The following DACH1 variants were observed in gnomAD, a reference collection of about 807,000 sequenced individuals.
The protein encoded by DACH1 is dachshund homolog 1.
In DACH1, 12 loss-of-function variants were observed where a neutral mutation model predicts 54.2. The observed-to-expected ratio is 0.22, with a 90% CI of 0.14 to 0.36. The LOEUF (loss-of-function observed/expected upper bound fraction) is 0.36, where lower values mean the gene tolerates loss of function less well. DACH1 is among the 10% of genes least tolerant of loss of function. The probability of loss-of-function intolerance (pLI) is 1.00; values close to 1 mark genes in which losing one functional copy is unlikely to be tolerated. For missense variants in DACH1, 805 were observed against 929.8 expected (o/e 0.87, Z 1.75); for synonymous variants, 386 against 366.2 (o/e 1.05, Z -0.62).
intron 1 of DACH1, among the ~76,000 whole-genome samples, chr13:71,781,351 TTTA>T (rs1316593675): frequency 2.7e-4 from 21 of 78,298 alleles, no homozygotes; most frequent in South Asian, 7.6e-4. Flanking sequence ...TTTATTTTTA[TTTA>T]TTTATTTATT....
chr13:71,700,353 C>T (rs958648428), intron 1 of DACH1, among the ~76,000 whole-genome samples: 7 of 151,856 alleles, frequency 4.6e-5, no homozygotes, highest in South Asian at 2.1e-4. Context: ...GTCAGGAGTT[C>T]GAGACCAGCC....
intron 1 of DACH1, among the ~76,000 whole-genome samples, chr13:71,830,208 A>C (rs1245521481): frequency 6.6e-6 from 1 of 151,880 alleles, no homozygotes; most frequent in Non-Finnish European, 1.5e-5. Context: ...GGTTGCAATC[A>C]AATTTATCTT....
chr13:71,762,768 CAAAAAAAAAAAAA>C lies in DACH1; in HGVS notation c.849-80871_849-80859del, dbSNP rs34543654. 5.3e-4 allele frequency among the ~76,000 whole-genome samples: 38 copies of C among 71,204 alleles called. No individual in the cohort carries two copies. In the East Asian group the frequency reaches 9.9e-3, roughly 18 times the overall value. The allele number at this position is 71,204 out of a possible 152,430, so 46.7% of individuals were successfully genotyped here. ...GGGCAACAAGAGTGAAACTTTGTCT[CAAAAAAAAAAAAA>C]AAAAAAAAAAAGAATGTACATCTAA... is the stretch of plus-strand genomic sequence containing the variant. On this transcript the variant is annotated intron_variant, in intron 1 of 10. Coordinates refer to ENST00000613252, the MANE Select transcript of DACH1 (RefSeq NM_080759.6).
chr13:71,462,331 G>GAGAT (rs1410175513), intron 10 of DACH1, among the ~76,000 whole-genome samples: 2 of 151,766 alleles, frequency 1.3e-5, no homozygotes, highest in Admixed American at 6.6e-5. Flanking sequence ...TATTCTGAAA[G>GAGAT]AGATAAATAA....
At chr13:71,758,994 C>T (rs1332956467) in intron 1 of DACH1, among the ~76,000 whole-genome samples, 2 of 150,820 alleles carry the variant, frequency 1.3e-5, no homozygotes, top group Non-Finnish European at 2.9e-5. Context: ...GTCATCAAGT[C>T]GTTCAAGCAC....
At chr13:71,451,273 C>T (rs1168957262) in intron 10 of DACH1, among the ~76,000 whole-genome samples, 1 of 152,140 alleles carries the variant, frequency 6.6e-6, no homozygotes, top group Admixed American at 6.6e-5. Context: ...AGACTATCAT[C>T]TCTCCCAAGT....
At chr13:71,471,371 G>A (rs1467543525) in intron 10 of DACH1, among the ~76,000 whole-genome samples, 1 of 151,992 alleles carries the variant, frequency 6.6e-6, no homozygotes, top group Non-Finnish European at 1.5e-5. Context: ...TCTGTGAGTC[G>A]ACCAAATAAA....
At chr13:71,795,062 CATAA>C (rs1251526888) in intron 1 of DACH1, among the ~76,000 whole-genome samples, 3 of 152,010 alleles carry the variant, frequency 2.0e-5, no homozygotes, top group African/African-American at 7.2e-5. Context: ...TACTGAGTAA[CATAA>C]ATAAGAGTAT....
intron 6 of DACH1, among the ~76,000 whole-genome samples, chr13:71,505,773 G>A (rs1188661268): frequency 6.6e-6 from 1 of 152,032 alleles, no homozygotes; most frequent in Non-Finnish European, 1.5e-5. Context: ...AAACCAGGTA[G>A]AAACTGAAAG....
At chr13:71,764,774 GA>G (rs1200507074) in intron 1 of DACH1, among the ~76,000 whole-genome samples, 1 of 152,166 alleles carries the variant, frequency 6.6e-6, no homozygotes, top group African/African-American at 2.4e-5. Context: ...GTAAATATCT[GA>G]TGACATATCC....
At chr13:71,716,955 G>C (rs1201397464) in intron 1 of DACH1, among the ~76,000 whole-genome samples, 2 of 151,968 alleles carry the variant, frequency 1.3e-5, no homozygotes, top group African/African-American at 4.8e-5. Flanking sequence ...GCATGCATTA[G>C]GTAATTAACT....
intron 2 of DACH1, among the ~76,000 whole-genome samples, chr13:71,656,386 C>G (rs996672275): frequency 1.3e-5 from 2 of 151,962 alleles, no homozygotes; most frequent in Non-Finnish European, 2.9e-5. Context: ...TTTCTTCTGC[C>G]TACTGAATAG....
At chr13:71,542,516 A>AAT (rs1276987784) in intron 6 of DACH1, among the ~76,000 whole-genome samples, 1 of 152,140 alleles carries the variant, frequency 6.6e-6, no homozygotes, top group African/African-American at 2.4e-5. Flanking sequence ...CTGACTTTTA[A>AAT]ATATCAATAA....
At chr13:71,672,724 C>T (rs1477385430) in intron 2 of DACH1, among the ~76,000 whole-genome samples, 1 of 152,130 alleles carries the variant, frequency 6.6e-6, no homozygotes, top group Non-Finnish European at 1.5e-5. Flanking sequence ...ATACCAGCTG[C>T]ACCTCCTACT....
chr13:71,715,490 T>C (rs1323324707), intron 1 of DACH1, among the ~76,000 whole-genome samples: 1 of 152,062 alleles, frequency 6.6e-6, no homozygotes, highest in Non-Finnish European at 1.5e-5. Context: ...AGAAGGCGGT[T>C]TCCTATATTT....
chr13:71,489,867 A>T (rs1878844419), intron 6 of DACH1, among the ~76,000 whole-genome samples: 1 of 152,176 alleles, frequency 6.6e-6, no homozygotes, highest in African/African-American at 2.4e-5. Flanking sequence ...AATCAAATTT[A>T]AAAATCCCTT....
intron 1 of DACH1, among the ~76,000 whole-genome samples, chr13:71,859,531 G>A (rs181758347): frequency 1.3e-5 from 2 of 151,708 alleles, no homozygotes; most frequent in Admixed American, 1.3e-4. Context: ...AATTTATAGT[G>A]GATTGAAAAT....
chr13:71,706,294 G>A (rs1025061668), intron 1 of DACH1, among the ~76,000 whole-genome samples: 32 of 151,194 alleles, frequency 2.1e-4, no homozygotes, highest in African/African-American at 7.5e-4. Flanking sequence ...CATATTATTA[G>A]CCTTTCATCC....
At chr13:71,620,148 T>C (rs368360757) in intron 3 of DACH1, among the ~76,000 whole-genome samples, 9 of 151,936 alleles carry the variant, frequency 5.9e-5, no homozygotes, top group East Asian at 3.9e-4. Context: ...GACCCATTGT[T>C]TTAATAAGGC....
Sources: allele counts gnomAD v4.1 joint callset (sites outside exome capture counted in the v4.1 genomes callset), GRCh38; gene constraint gnomAD v4.1.1; transcripts MANE v1.5; gene names NCBI Gene and HGNC (gene_info 2026-07-23, HGNC 2026-07-21).